Variants in PKIG observed in about 807,000 individuals in gnomAD.
The protein encoded by PKIG is protein kinase (cAMP-dependent, catalytic) inhibitor gamma.
In PKIG, 1 loss-of-function variant was observed where a neutral mutation model predicts 6.8. The ratio of observed to expected loss-of-function variants is 0.15; its 90% CI spans 0.05 to 0.69. The LOEUF is 0.69. Ranked by LOEUF, PKIG falls within the 30% of genes least tolerant of loss-of-function variation. PKIG has a pLI of 0.82. For missense variants in PKIG, 77 were observed against 104.0 expected, an observed-to-expected ratio of 0.74 and a Z score of 1.13; for synonymous variants, 39 against 43.0, an observed-to-expected ratio of 0.91 and a Z score of 0.36.
At chr20:44,536,606 G>A (rs1489235499) in intron 1 of PKIG, among the ~76,000 whole-genome samples, 2 of 152,152 alleles carry the variant, frequency 1.3e-5, no homozygotes, top group Non-Finnish European at 2.9e-5. Flanking sequence ...GACTAGGGGA[G>A]GAGGGAGGAA....
intron 1 of PKIG, among the ~76,000 whole-genome samples, chr20:44,573,327 C>T (rs2064869402): frequency 6.6e-6 from 1 of 152,248 alleles, no homozygotes; most frequent in Non-Finnish European, 1.5e-5. Flanking sequence ...CATTCATGTG[C>T]AGTGACTCTT....
chr20:44,586,824 C>T (rs553099099), intron 1 of PKIG, among the ~76,000 whole-genome samples: 7 of 152,264 alleles, frequency 4.6e-5, no homozygotes, highest in South Asian at 2.1e-4. Flanking sequence ...TGGAAGTTGC[C>T]GTGGGCTCCT....
chr20:44,541,988 C>A (rs569199913), intron 1 of PKIG, among the ~76,000 whole-genome samples: 2 of 152,162 alleles, frequency 1.3e-5, no homozygotes, highest in Non-Finnish European at 2.9e-5. Flanking sequence ...CACTCCCGGC[C>A]AAGTATAGCT....
intron 1 of PKIG, among the ~76,000 whole-genome samples, chr20:44,552,044 G>A (rs2064673537): frequency 6.6e-6 from 1 of 152,130 alleles, no homozygotes. Flanking sequence ...CAGACTCAGG[G>A]CCAACACAAT....
At chr20:44,584,590 T>TTTTG (rs1426519036) in intron 1 of PKIG, among the ~76,000 whole-genome samples, 1 of 152,196 alleles carries the variant, frequency 6.6e-6, no homozygotes, top group South Asian at 2.1e-4. Flanking sequence ...TTTGTTTTGT[T>TTTTG]TTTGTTTGTT....
intron 1 of PKIG, among the ~76,000 whole-genome samples, chr20:44,546,797 A>G (rs1229319501): frequency 6.6e-6 from 1 of 151,250 alleles, no homozygotes; most frequent in Non-Finnish European, 1.5e-5. Context: ...AGGTAATTCC[A>G]CCCGTCTCAG....
intron 2 of PKIG, among the ~76,000 whole-genome samples, chr20:44,594,847 A>G (rs1035651897): frequency 2.0e-5 from 3 of 152,154 alleles, no homozygotes; most frequent in Admixed American, 6.5e-5. Flanking sequence ...CTGTTGTCAT[A>G]GCAAGGGTCT....
At chr20:44,542,804 A>G (rs1600837481) in intron 1 of PKIG, among the ~76,000 whole-genome samples, 1 of 152,224 alleles carries the variant, frequency 6.6e-6, no homozygotes, top group East Asian at 1.9e-4. Flanking sequence ...CGTTGGCCAG[A>G]CTGGTCTCGA....
At chr20:44,612,008 C>A (rs994501620) in intron 2 of PKIG, among the ~76,000 whole-genome samples, 1 of 151,994 alleles carries the variant, frequency 6.6e-6, no homozygotes, top group Non-Finnish European at 1.5e-5. Context: ...TTTTCTGTAT[C>A]CATTCAATCA....
In PKIG at chr20:44,541,947, C is replaced by T. The variant is rs1385672141; in HGVS notation, c.-241+9969C>T. On this transcript the variant is annotated intron_variant, in intron 1 of 4. Coordinates refer to the PKIG transcript ENST00000372887. Reference sequence around the variant, plus strand: ...CAAATGATCCACCCCCCTCGGCTTCCCAAAGTGCTGGGATTATAGGCATAA... The same window carrying T: ...CAAATGATCCACCCCCCTCGGCTTCTCAAAGTGCTGGGATTATAGGCATAA... Among the ~76,000 whole-genome samples the T allele has an allele frequency of 5.9e-5, 9 of 152,200 alleles. No individual in the cohort carries two copies. The East Asian group carries it at 1.4e-3, about 23-fold the overall frequency.
At chr20:44,550,415 A>AG (rs2064657513) in intron 1 of PKIG, among the ~76,000 whole-genome samples, 1 of 152,078 alleles carries the variant, frequency 6.6e-6, no homozygotes, top group African/African-American at 2.4e-5. Context: ...TGAAAAAAAA[A>AG]ATGGATTCCC....
intron 1 of PKIG, among the ~76,000 whole-genome samples, chr20:44,561,294 A>ACC (rs2064765319): frequency 6.6e-6 from 1 of 152,144 alleles, no homozygotes; most frequent in African/African-American, 2.4e-5. Context: ...CCGAGATCGC[A>ACC]CCAGTGTATT....
intron 1 of PKIG, among the ~76,000 whole-genome samples, chr20:44,558,792 C>G: frequency 6.6e-6 from 1 of 151,108 alleles, no homozygotes; most frequent in African/African-American, 2.4e-5. Flanking sequence ...TGCTCTGTTG[C>G]CCAGGCTGGA....
chr20:44,573,366 CT>C (rs2064869820), intron 1 of PKIG, among the ~76,000 whole-genome samples: 1 of 152,194 alleles, frequency 6.6e-6, no homozygotes. Flanking sequence ...GAGATTATGA[CT>C]AATTTAACAT....
At chr20:44,587,348 G>C (rs1170976934) in intron 1 of PKIG, among the ~76,000 whole-genome samples, 1 of 152,226 alleles carries the variant, frequency 6.6e-6, no homozygotes, top group Non-Finnish European at 1.5e-5. Flanking sequence ...GGCTCTGGGA[G>C]CTTTGCCAGC....
At chr20:44,612,358 G>T (rs896572651) in intron 2 of PKIG, among the ~76,000 whole-genome samples, 5 of 152,024 alleles carry the variant, frequency 3.3e-5, no homozygotes, top group Non-Finnish European at 7.4e-5. Flanking sequence ...GCATTTGCCT[G>T]AGTGGGTCTA....
At chr20:44,587,743 C>CA (rs1447829257) in intron 1 of PKIG, among the ~76,000 whole-genome samples, 2 of 152,160 alleles carry the variant, frequency 1.3e-5, no homozygotes, top group African/African-American at 4.8e-5. Flanking sequence ...CCAATCCCCC[C>CA]ACCCACATAC....
chr20:44,537,587 T>G (rs1297766682), intron 1 of PKIG, among the ~76,000 whole-genome samples: 2 of 151,678 alleles, frequency 1.3e-5, no homozygotes, highest in Non-Finnish European at 2.9e-5. Context: ...CTTACTTTTT[T>G]TTTTTTTTGA....
At chr20:44,574,138 C>T (rs186320231) in intron 1 of PKIG, among the ~76,000 whole-genome samples, 35 of 152,134 alleles carry the variant, frequency 2.3e-4, no homozygotes, top group East Asian at 7.7e-4. Context: ...TTGTTTTTGT[C>T]AGAAAGGTAC....
Sources: allele counts gnomAD v4.1 joint callset (sites outside exome capture counted in the v4.1 genomes callset), GRCh38; gene constraint gnomAD v4.1.1; transcripts MANE v1.5; gene names NCBI Gene and HGNC (gene_info 2026-07-23, HGNC 2026-07-21).